RBFOX3: variants seen among roughly 807,000 people sequenced by gnomAD.
RBFOX3 encodes the protein RNA binding protein fox-1 homolog 3.
RBFOX3 carries 17 observed loss-of-function variants against 48.7 expected under a neutral mutation model. The observed-to-expected ratio is 0.35, with a 90% CI of 0.24 to 0.52. The LOEUF (loss-of-function observed/expected upper bound fraction) is 0.52. Ranked by LOEUF, RBFOX3 falls within the 20% of genes least tolerant of loss-of-function variation. The probability of loss-of-function intolerance (pLI) is 0.94; values close to 1 mark genes in which losing one functional copy is unlikely to be tolerated. For synonymous variants in RBFOX3, 212 were observed against 209.5 expected, an observed-to-expected ratio of 1.01 and a Z score of -0.10; for missense variants, 382 against 497.5, an observed-to-expected ratio of 0.77 and a Z score of 2.21.
At chr17:79,358,386 C>G (rs2085628791) in intron 2 of RBFOX3, among the ~76,000 whole-genome samples, 1 of 152,332 alleles carries the variant, frequency 6.6e-6, no homozygotes, top group Non-Finnish European at 1.5e-5. Context: ...ACACTGCCCT[C>G]CCTTCTGACT....
chr17:79,480,654 G>A lies in RBFOX3; in HGVS notation c.-175+1800C>T, dbSNP rs1275496939. Reference sequence around the variant, plus strand: ...CAGCATGCCCACACGTTGCTGCCTCGGCGCCTTGGCACTGGCCATTCCCTC... The same window carrying A: ...CAGCATGCCCACACGTTGCTGCCTCAGCGCCTTGGCACTGGCCATTCCCTC... On this transcript the variant is annotated intron_variant, in intron 2 of 14. Coordinates refer to ENST00000693108, the MANE Select transcript of RBFOX3 (RefSeq NM_001350451.2). This position sits in a 1 kb window ranked among gnomAD's most constrained non-coding sequence, Gnocchi z 4.8. Among the ~76,000 whole-genome samples the A allele has an allele frequency of 3.9e-5, 6 of 151,988 alleles. No individual in the cohort carries two copies. The highest frequency in any genetic ancestry group is 2.1e-4 in the South Asian group (1 of 4,810).
In RBFOX3 at chr17:79,164,135, A is replaced by G. The variant is rs1354484700; in HGVS notation, c.-33-48387T>C. On this transcript the variant is annotated intron_variant, in intron 4 of 14. Transcript: ENST00000693108. The stretch of plus-strand genomic sequence containing the variant: ...GCTCAAGGTTTGGGATGGGGGAGGG[A>G]AAGAATGGGCCAAGAAGATCCCAGA... 2.0e-5 allele frequency among the ~76,000 whole-genome samples: 3 copies of G among 152,066 alleles called. No individual in the cohort carries two copies. The East Asian group carries it at 5.8e-4, about 29-fold the overall frequency.
intron 1 of RBFOX3, chr17:79,599,663 C>G (rs1350580136): frequency 2.0e-5 from 3 of 152,200 alleles, no homozygotes; most frequent in Non-Finnish European, 2.9e-5. Context: ...GCTGCAGAGG[C>G]AAAGGGCTGG....
At chr17:79,193,158 G>A (rs1340532111) in intron 4 of RBFOX3, among the ~76,000 whole-genome samples, 1 of 152,164 alleles carries the variant, frequency 6.6e-6, no homozygotes, top group Non-Finnish European at 1.5e-5. Flanking sequence ...CATGGCTGCC[G>A]TTTCCTCCAA....
intron 4 of RBFOX3, among the ~76,000 whole-genome samples, chr17:79,194,535 G>A (rs1183821083): frequency 1.3e-5 from 2 of 152,150 alleles, no homozygotes; most frequent in African/African-American, 4.8e-5. Context: ...GAACCTGGGA[G>A]GCGGAGGTTG....
chr17:79,282,541 C>T (rs1202829880), intron 3 of RBFOX3, among the ~76,000 whole-genome samples: 2 of 152,092 alleles, frequency 1.3e-5, no homozygotes, highest in South Asian at 2.1e-4. Context: ...GAAGTCATTA[C>T]CTTCACCAAT....
intron 4 of RBFOX3, among the ~76,000 whole-genome samples, chr17:79,159,359 A>G (rs1237702507): frequency 1.3e-5 from 2 of 152,106 alleles, no homozygotes; most frequent in East Asian, 1.9e-4. Flanking sequence ...GCTCAGGGGC[A>G]TGCCTGCCTG....
upstream of RBFOX3, among the ~76,000 whole-genome samples, chr17:79,614,486 A>T (rs986697229): frequency 1.4e-5 from 2 of 147,516 alleles, no homozygotes; most frequent in Admixed American, 6.8e-5. Flanking sequence ...CAGCCCCCCT[A>T]AGGTGAGTAA....
chr17:79,315,247 C>T (rs1050490124), intron 2 of RBFOX3, among the ~76,000 whole-genome samples: 6 of 152,188 alleles, frequency 3.9e-5, no homozygotes, highest in Non-Finnish European at 2.9e-5. Context: ...ACCATTTCAT[C>T]CCTAGTGATG....
intron 2 of RBFOX3, among the ~76,000 whole-genome samples, chr17:79,385,152 C>T (rs1027400154): frequency 4.6e-5 from 7 of 152,194 alleles, no homozygotes; most frequent in South Asian, 2.1e-4. Flanking sequence ...AAACACCTAA[C>T]GTGCATGGGA....
chr17:79,302,890 C>T (rs1455651979), intron 3 of RBFOX3, among the ~76,000 whole-genome samples: 1 of 152,134 alleles, frequency 6.6e-6, no homozygotes, highest in Non-Finnish European at 1.5e-5. Context: ...TGAATGTACT[C>T]AATGCCACTA....
chr17:79,148,447 C>T (rs925468431), intron 4 of RBFOX3, among the ~76,000 whole-genome samples: 3 of 152,304 alleles, frequency 2.0e-5, no homozygotes, highest in East Asian at 1.9e-4. Flanking sequence ...CATGCCACAG[C>T]CTGAAGCCAA....
At chr17:79,326,926 T>A (rs75086902) in intron 2 of RBFOX3, among the ~76,000 whole-genome samples, 1,685 of 152,346 alleles carry the variant, frequency 0.011, 39 homozygotes, top group African/African-American at 0.034. Context: ...TTAACCCCAT[T>A]TTAAAGATGA....
chr17:79,131,845 GC>G (rs2143341973), intron 4 of RBFOX3, among the ~76,000 whole-genome samples: 1 of 152,272 alleles, frequency 6.6e-6, no homozygotes, highest in South Asian at 2.1e-4. Flanking sequence ...CCCAACCCCA[GC>G]CCCAGACCAG....
chr17:79,326,350 G>A (rs2079322062), intron 2 of RBFOX3, among the ~76,000 whole-genome samples: 1 of 152,144 alleles, frequency 6.6e-6, no homozygotes, highest in Admixed American at 6.5e-5. Context: ...GAGATTTACT[G>A]ACAACCCAGG....
intron 1 of RBFOX3, among the ~76,000 whole-genome samples, chr17:79,490,720 TAGAGAGAG>T (rs59694667): frequency 6.9e-5 from 10 of 144,246 alleles, no homozygotes; most frequent in African/African-American, 1.0e-4. Context: ...GCCTGCAGTG[TAGAGAGAG>T]AGAGAGAGAG....
At chr17:79,463,190 G>GACACCT (rs2075686100) in intron 2 of RBFOX3, among the ~76,000 whole-genome samples, 1 of 134,348 alleles carries the variant, frequency 7.4e-6, no homozygotes, top group Middle Eastern at 4.5e-3. Context: ...CATCGCCACT[G>GACACCT]CCACCGCCAT....
intron 4 of RBFOX3, among the ~76,000 whole-genome samples, chr17:79,145,405 C>G (rs1011297039): frequency 3.3e-5 from 5 of 152,212 alleles, no homozygotes; most frequent in Admixed American, 2.0e-4. Flanking sequence ...GGGTGCCCTC[C>G]CTGGAGAGGG....
the RBFOX3 span, among the ~76,000 whole-genome samples, chr17:79,633,944 C>T: frequency 6.6e-6 from 1 of 152,160 alleles, no homozygotes; most frequent in African/African-American, 2.4e-5. Context: ...ATCTGTAATC[C>T]CCACTTAAGC....
Sources: gnomAD v4.1 joint callset for allele counts (sites outside exome capture counted in the v4.1 genomes callset) on GRCh38, gnomAD v4.1.1 for gene constraint, Gnocchi (gnomAD v3.1) non-coding constraint, MANE v1.5 for transcripts, NCBI Gene and HGNC (gene_info 2026-07-23, HGNC 2026-07-21) for gene names.